The following SGCZ variants were observed in gnomAD, a reference collection of about 807,000 sequenced individuals.
SGCZ encodes the protein sarcoglycan zeta, also known as zeta-sarcoglycan.
Under a neutral mutation model 41.3 loss-of-function variants are expected in SGCZ, and 40 were observed. That is an observed-to-expected ratio of 0.97 (90% confidence interval 0.75 to 1.26). The LOEUF (loss-of-function observed/expected upper bound fraction) is 1.26, where lower values mean the gene tolerates loss of function less well. SGCZ is among the 50% of genes most tolerant of loss of function. The pLI is 0.00. For missense variants in SGCZ, 552 were observed against 369.8 expected, an observed-to-expected ratio of 1.49 and a Z score of -4.04; for synonymous variants, 206 against 137.5, an observed-to-expected ratio of 1.50 and a Z score of -3.49.
intron 3 of SGCZ, chr8:14,309,056 T>A: frequency 1.5e-6 from 2 of 1,373,558 alleles, no homozygotes; most frequent in South Asian, 2.5e-5. Flanking sequence ...TACTCTTAAT[T>A]CCCCAACTAC....
At chr8:14,782,438 G>C (rs188646890) in intron 1 of SGCZ, among the ~76,000 whole-genome samples, 1 of 151,982 alleles carries the variant, frequency 6.6e-6, no homozygotes, top group East Asian at 1.9e-4. Context: ...TTTGGTTTTG[G>C]TTTAGTATCC....
chr8:14,387,778 A>G (rs1483829881), intron 2 of SGCZ, among the ~76,000 whole-genome samples: 1 of 152,084 alleles, frequency 6.6e-6, no homozygotes, highest in African/African-American at 2.4e-5. Context: ...TACTCCCATT[A>G]AGGTTCTATT....
intron 2 of SGCZ, among the ~76,000 whole-genome samples, chr8:14,342,840 A>G (rs1302916671): frequency 6.6e-6 from 1 of 152,180 alleles, no homozygotes; most frequent in Non-Finnish European, 1.5e-5. Flanking sequence ...TATGGGAAAA[A>G]TTATCTCCAG....
At chr8:14,914,335 A>C (rs1342937130) in intron 1 of SGCZ, among the ~76,000 whole-genome samples, 1 of 152,116 alleles carries the variant, frequency 6.6e-6, no homozygotes, top group Admixed American at 6.6e-5. Context: ...TTGTATGTAC[A>C]TCTCTCAACT....
chr8:14,702,721 C>T (rs1448440450), intron 1 of SGCZ, among the ~76,000 whole-genome samples: 1 of 130,978 alleles, frequency 7.6e-6, no homozygotes, highest in Non-Finnish European at 1.6e-5. Context: ...GCAAATTCTG[C>T]TGGCTTCAAT....
chr8:14,401,294 T>A (rs957607271), intron 2 of SGCZ, among the ~76,000 whole-genome samples: 4 of 151,912 alleles, frequency 2.6e-5, no homozygotes, highest in African/African-American at 4.8e-5. Context: ...TTTTTTTTCT[T>A]TAATTATTAT....
chr8:15,109,628 C>T (rs1806969999), intron 1 of SGCZ, among the ~76,000 whole-genome samples: 1 of 152,032 alleles, frequency 6.6e-6, no homozygotes, highest in Non-Finnish European at 1.5e-5. Flanking sequence ...GTTGGTTAAA[C>T]TTGATTCAGG....
intron 1 of SGCZ, among the ~76,000 whole-genome samples, chr8:15,235,075 C>A (rs1802078488): frequency 1.3e-5 from 2 of 152,034 alleles, no homozygotes; most frequent in African/African-American, 4.8e-5. Context: ...AAACAAGTAT[C>A]CTAGCTTTTT....
At chr8:14,691,783 G>A (rs1414122447) in intron 1 of SGCZ, among the ~76,000 whole-genome samples, 5 of 151,336 alleles carry the variant, frequency 3.3e-5, no homozygotes, top group African/African-American at 1.2e-4. Flanking sequence ...ATCAAAAACT[G>A]CAATAAAATT....
chr8:15,003,424 C>A (rs1802496170), intron 1 of SGCZ, among the ~76,000 whole-genome samples: 1 of 151,958 alleles, frequency 6.6e-6, no homozygotes, highest in Admixed American at 6.6e-5. Flanking sequence ...GCAACCCTTC[C>A]CAGAAATGAC....
intron 1 of SGCZ, among the ~76,000 whole-genome samples, chr8:14,556,003 T>C (rs1165179326): frequency 6.6e-6 from 1 of 152,016 alleles, no homozygotes; most frequent in African/African-American, 2.4e-5. Context: ...AAACTAAAGA[T>C]GATATTCTTT....
intron 1 of SGCZ, among the ~76,000 whole-genome samples, chr8:14,715,245 T>G (rs1048634394): frequency 2.6e-4 from 39 of 152,178 alleles, no homozygotes; most frequent in African/African-American, 8.9e-4. Context: ...TTGATCCATC[T>G]CAAGAGGTTC....
At chr8:14,954,380 C>T (rs941449016) in intron 1 of SGCZ, among the ~76,000 whole-genome samples, 8 of 152,086 alleles carry the variant, frequency 5.3e-5, no homozygotes, top group African/African-American at 9.7e-5. Flanking sequence ...CACCTTCAAT[C>T]ATTGAAGGTT....
rs554913915 is a variant in SGCZ at position 14,944,278 on chromosome 8, G to A, written c.39+293307C>T. The stretch of plus-strand genomic sequence containing the variant: ...TCAGTTTTAAAACCCAGTTGTCAAC[G>A]TGGGGTTAATATAATCCCATGCCAA... On this transcript the variant is annotated intron_variant, in intron 1 of 7. Transcript: ENST00000382080. Among the ~76,000 whole-genome samples the A allele has an allele frequency of 7.4e-4, 112 of 152,260 alleles. 1 individual carries two copies. The highest frequency in any genetic ancestry group is 2.3e-3 in the African/African-American group (96 of 41,548).
At chr8:14,990,040 T>C (rs780680936) in intron 1 of SGCZ, among the ~76,000 whole-genome samples, 15 of 152,168 alleles carry the variant, frequency 9.9e-5, no homozygotes, top group South Asian at 4.1e-4. Context: ...CTTTCCTTTG[T>C]TATTTGCTGA....
intron 1 of SGCZ, among the ~76,000 whole-genome samples, chr8:14,851,857 C>T (rs572848402): frequency 3.3e-5 from 5 of 151,652 alleles, no homozygotes; most frequent in African/African-American, 4.8e-5. Context: ...ACTTTTCCTC[C>T]GAGAACAAAA....
chr8:14,278,268 T>A (rs1245127404), intron 3 of SGCZ, among the ~76,000 whole-genome samples: 1 of 152,192 alleles, frequency 6.6e-6, no homozygotes, highest in Non-Finnish European at 1.5e-5. Flanking sequence ...GTCACATTTG[T>A]GAGACCTCTA....
chr8:14,361,711 T>A (rs1342056051), intron 2 of SGCZ, among the ~76,000 whole-genome samples: 1 of 152,160 alleles, frequency 6.6e-6, no homozygotes, highest in Non-Finnish European at 1.5e-5. Flanking sequence ...TCCGTCCAGT[T>A]TTGTTCCATT....
chr8:14,197,785 C>T (rs1805314216), intron 4 of SGCZ, among the ~76,000 whole-genome samples: 1 of 151,976 alleles, frequency 6.6e-6, no homozygotes, highest in Non-Finnish European at 1.5e-5. Context: ...CTTTATTTTG[C>T]ATCACACTAG....
Sources: gnomAD v4.1 joint callset for allele counts (sites outside exome capture counted in the v4.1 genomes callset) on GRCh38, gnomAD v4.1.1 for gene constraint, MANE v1.5 for transcripts, NCBI Gene and HGNC (gene_info 2026-07-23, HGNC 2026-07-21) for gene names.